Variants in SLC4A10 observed in about 807,000 individuals in gnomAD.
The protein encoded by SLC4A10 is solute carrier family 4 member 10.
A neutral mutation model predicts 137.7 loss-of-function variants in SLC4A10; 42 were observed. The ratio of observed to expected loss-of-function variants is 0.30; its 90% confidence interval spans 0.24 to 0.39. The LOEUF (loss-of-function observed/expected upper bound fraction) is 0.39, where lower values mean the gene tolerates loss of function less well. SLC4A10 is among the 10% of genes least tolerant of loss of function. The pLI is 1.00. For missense variants in SLC4A10, 925 were observed against 1,355.0 expected, an observed-to-expected ratio of 0.68 and a Z score of 4.98; for synonymous variants, 474 against 464.1, an observed-to-expected ratio of 1.02 and a Z score of -0.27.
At chr2:161,717,979 G>T (rs973497589) in intron 1 of SLC4A10, among the ~76,000 whole-genome samples, 1 of 152,018 alleles carries the variant, frequency 6.6e-6, no homozygotes. Context: ...CTTGTTATTG[G>T]TTATTGGTTA....
intron 1 of SLC4A10, among the ~76,000 whole-genome samples, chr2:161,676,930 A>G (rs1158040747): frequency 6.6e-6 from 1 of 152,136 alleles, no homozygotes; most frequent in African/African-American, 2.4e-5. Context: ...AGCCTCTGAG[A>G]AGCTCTACAG....
chr2:161,821,286 C>T (rs1035126657), intron 3 of SLC4A10, among the ~76,000 whole-genome samples: 4 of 152,082 alleles, frequency 2.6e-5, no homozygotes, highest in Non-Finnish European at 5.9e-5. Context: ...GAGGCTGATA[C>T]CTTTATTCTT....
At chr2:161,808,263 G>A (rs776579084) in intron 3 of SLC4A10, among the ~76,000 whole-genome samples, 12 of 151,306 alleles carry the variant, frequency 7.9e-5, no homozygotes, top group Non-Finnish European at 1.3e-4. Context: ...TTTCATTTTC[G>A]ATTTATTTTG....
intron 4 of SLC4A10, among the ~76,000 whole-genome samples, chr2:161,847,886 T>C (rs953913267): frequency 6.6e-5 from 10 of 152,234 alleles, no homozygotes; most frequent in Non-Finnish European, 1.2e-4. Context: ...ATTGGTTATA[T>C]ACTGAGTAAT....
intron 1 of SLC4A10, among the ~76,000 whole-genome samples, chr2:161,764,164 T>C (rs2050556696): frequency 2.0e-5 from 3 of 152,172 alleles, no homozygotes; most frequent in African/African-American, 7.2e-5. Context: ...CCATGGAGTG[T>C]TATACAGCTA....
intron 1 of SLC4A10, among the ~76,000 whole-genome samples, chr2:161,732,454 C>T (rs2046917129): frequency 6.6e-6 from 1 of 152,200 alleles, no homozygotes; most frequent in Non-Finnish European, 1.5e-5. Context: ...ACCCCCTAGT[C>T]TTCAAACACA....
At chr2:161,737,281 G>T (rs2047440192) in intron 1 of SLC4A10, among the ~76,000 whole-genome samples, 1 of 152,104 alleles carries the variant, frequency 6.6e-6, no homozygotes, top group African/African-American at 2.4e-5. Context: ...CTTAGTTTTT[G>T]CCTTTTAGTT....
Position 161,710,305 on chromosome 2 carries a change from T to C in SLC4A10, c.49-60668T>C, listed in dbSNP as rs192478252. ...GCATGTATTAGTCATTATGAGTACA[T>C]TCTGTTTCTTGGCATTGCTTTGGGA... is the stretch of plus-strand genomic sequence containing the variant. On this transcript the variant is annotated intron_variant, in intron 1 of 26. Coordinates refer to ENST00000446997, the MANE Select transcript of SLC4A10 (RefSeq NM_001178015.2). Among the ~76,000 whole-genome samples, 22 of 151,880 alleles carry C rather than the reference T, an allele frequency of 1.4e-4. 1 individual carries two copies. The highest frequency in any genetic ancestry group is 9.2e-4 in the Admixed American group (14 of 15,198).
At chr2:161,928,684 T>G (rs1344185775) in intron 15 of SLC4A10, among the ~76,000 whole-genome samples, 1 of 149,266 alleles carries the variant, frequency 6.7e-6, no homozygotes, top group Non-Finnish European at 1.5e-5. Flanking sequence ...AGTTTCAGGT[T>G]GGGACAGACC....
intron 1 of SLC4A10, among the ~76,000 whole-genome samples, chr2:161,770,588 T>A (rs553411604): frequency 6.6e-6 from 1 of 152,084 alleles, no homozygotes; most frequent in South Asian, 2.1e-4. Context: ...GTGTTAATAC[T>A]AATGATTTTC....
intron 1 of SLC4A10, among the ~76,000 whole-genome samples, chr2:161,634,054 A>C (rs2034021513): frequency 6.6e-6 from 1 of 151,818 alleles, no homozygotes; most frequent in Admixed American, 6.6e-5. Flanking sequence ...GAATATCACC[A>C]GTGTTTTCAC....
At chr2:161,660,105 A>G (rs899599361) in intron 1 of SLC4A10, among the ~76,000 whole-genome samples, 5 of 151,756 alleles carry the variant, frequency 3.3e-5, no homozygotes, top group Admixed American at 3.3e-4. Context: ...TGGTTACAGA[A>G]CTCTGTGAGC....
In SLC4A10 at chr2:161,821,754, T is replaced by C. The variant is rs73021520; in HGVS notation, c.277+17159T>C. Among the ~76,000 whole-genome samples, 981 of 152,320 alleles carry C rather than the reference T, an allele frequency of 6.4e-3. 12 individuals are homozygous for C. The highest frequency in any genetic ancestry group is 0.022 in the African/African-American group (931 of 41,574). On this transcript the variant is annotated intron_variant, in intron 3 of 26. Transcript: ENST00000446997. ...TGAAAAATGGGTGTTGAATTACACA[T>C]TTGGAAAATTTACTGTATTGAAACA...
chr2:161,701,847 A>G (rs897107341), intron 1 of SLC4A10, among the ~76,000 whole-genome samples: 1 of 143,290 alleles, frequency 7.0e-6, no homozygotes, highest in Non-Finnish European at 1.6e-5. Context: ...TCAAAACCAC[A>G]ACGAGATACC....
chr2:161,980,103 G>C (rs1412120720), intron 26 of SLC4A10, among the ~76,000 whole-genome samples: 1 of 152,184 alleles, frequency 6.6e-6, no homozygotes, highest in African/African-American at 2.4e-5. Context: ...CATTGCATCA[G>C]AATAGGTTAG....
chr2:161,950,982 A>G, intron 19 of SLC4A10, 134 bp downstream of exon 19: 1 of 775,970 alleles, frequency 1.3e-6, no homozygotes, highest in South Asian at 2.5e-5. Context: ...TATAATTTTT[A>G]TTGTCTTACA....
In SLC4A10 at chr2:161,707,208, TGTG is replaced by T. The variant is rs941230013; in HGVS notation, c.49-63764_49-63762del. On this transcript the variant is annotated intron_variant, in intron 1 of 26. Coordinates refer to ENST00000446997, the MANE Select transcript of SLC4A10 (RefSeq NM_001178015.2). The stretch of plus-strand genomic sequence containing the variant: ...ATACATACAGCAGAATACCAAGCTC[TGTG>T]TCTCCAACCTGTGCAGTTAGAGTCA... Among the ~76,000 whole-genome samples the T allele has an allele frequency of 4.6e-5, 7 of 151,544 alleles. No homozygotes were observed. In the Admixed American group the frequency reaches 4.6e-4, roughly 10 times the overall value.
chr2:161,813,974 G>A (rs185010623), intron 3 of SLC4A10, among the ~76,000 whole-genome samples: 14 of 152,100 alleles, frequency 9.2e-5, no homozygotes. Flanking sequence ...TGGAGCTGTT[G>A]ATAGCTCCAC....
chr2:161,706,687 C>G (rs969717403), intron 1 of SLC4A10, among the ~76,000 whole-genome samples: 5 of 151,498 alleles, frequency 3.3e-5, no homozygotes, highest in Admixed American at 1.3e-4. Context: ...TGGCTCCTGA[C>G]GCTTACCGTG....
Sources: allele counts gnomAD v4.1 joint callset (sites outside exome capture counted in the v4.1 genomes callset), GRCh38; gene constraint gnomAD v4.1.1; transcripts MANE v1.5; gene names NCBI Gene and HGNC (gene_info 2026-07-23, HGNC 2026-07-21).